The following PLA2G2F variants were observed in gnomAD, a reference collection of about 807,000 sequenced individuals.
PLA2G2F encodes phospholipase A2 group IIF, also known as group IIF secretory phospholipase A2.
Under a neutral mutation model 15.9 loss-of-function variants are expected in PLA2G2F, and 17 were observed. The observed-to-expected ratio is 1.07, with a 90% CI of 0.73 to 1.60. The LOEUF is 1.60. Among genes scored for constraint, PLA2G2F ranks in the 40% most tolerant of loss-of-function variants. The probability of loss-of-function intolerance (pLI) is 0.00; values close to 1 mark genes in which losing one functional copy is unlikely to be tolerated. For missense variants in PLA2G2F, 299 were observed against 278.2 expected, an observed-to-expected ratio of 1.07 and a Z score of -0.53; for synonymous variants, 119 against 106.5, an observed-to-expected ratio of 1.12 and a Z score of -0.72.
rs1410273056 is a variant in PLA2G2F at position 20,149,053 on chromosome 1, G to A, written c.*652G>A. ...GCCCTGAAGTCTAGCCTCAGAGCAG[G>A]CTCCTGGGCACTGACAGAGCCACAC... On this transcript the variant is annotated 3_prime_UTR_variant, in exon 5 of 5. Coordinates refer to ENST00000375102, the MANE Select transcript of PLA2G2F (RefSeq NM_022819.4). 1.3e-5 allele frequency: 2 copies of A among 152,828 alleles called. No homozygotes were observed. Among genetic ancestry groups the A allele is most frequent in the Non-Finnish European group, 2.9e-5 (2 of 68,632 alleles). The allele number at this position is 152,828 out of a possible 1,614,324, so 9.5% of individuals were successfully genotyped here.
chr1:20,146,331 T>C (rs2017606106), intron 4 of PLA2G2F, among the ~76,000 whole-genome samples: 1 of 152,232 alleles, frequency 6.6e-6, no homozygotes, highest in African/African-American at 2.4e-5. Context: ...CTTTCTCTTC[T>C]GGTTCTGTCA....
chr1:20,148,440 T>G lies in PLA2G2F; in HGVS notation c.*39T>G. 6.4e-7 allele frequency: 1 copy of G among 1,554,084 alleles called. No individual in the cohort carries two copies. The highest frequency in any genetic ancestry group is 1.1e-5 in the South Asian group (1 of 89,724). ...TGAGAGAGAGAGCGGGAGGAGGGTC[T>G]GGCTTGGGGACCAGACGAGGTGCAG... On this transcript the variant is annotated 3_prime_UTR_variant, in exon 5 of 5. Transcript: ENST00000375102.
rs114042884 is a variant in PLA2G2F at position 20,143,069 on chromosome 1, G to A, written c.170-377G>A. 6.9e-3 allele frequency: 1,156 copies of A among 167,564 alleles called. 12 individuals are homozygous for A. The highest frequency in any genetic ancestry group is 0.025 in the African/African-American group (1,064 of 42,172). The allele number at this position is 167,564 out of a possible 1,614,324, so 10.4% of individuals were successfully genotyped here. A position where few individuals can be genotyped will look rare whatever the true frequency, so the allele number is the denominator to read the frequency against. On this transcript the variant is annotated intron_variant, in intron 2 of 4. Coordinates refer to ENST00000375102, the MANE Select transcript of PLA2G2F (RefSeq NM_022819.4). ...TAGAGCAAGTTACTAAATGCACTGG[G>A]CCTCAGTCTTCTCATCTGCACAGAG...
rs560644584 is a variant in PLA2G2F at position 20,149,851 on chromosome 1, C to G, written c.*1450C>G. On this transcript the variant is annotated 3_prime_UTR_variant, in exon 5 of 5. Coordinates refer to ENST00000375102, the MANE Select transcript of PLA2G2F (RefSeq NM_022819.4). ...CTCAACTCAGGGTCAGCAGCCTCCA[C>G]GGAGCCAGCCCCACCTGCCCGAAAA... is the stretch of plus-strand genomic sequence containing the variant. 9.2e-5 allele frequency: 14 copies of G among 152,738 alleles called. 1 individual carries two copies. Among genetic ancestry groups the G allele is most frequent in the African/African-American group, 3.4e-4 (14 of 41,582 alleles). The allele number at this position is 152,738 out of a possible 1,614,324, so 9.5% of individuals were successfully genotyped here.
At chr1:20,144,031 C>T (rs549533628) in intron 3 of PLA2G2F, 241 of 183,774 alleles carry the variant, frequency 1.3e-3, no homozygotes, top group Admixed American at 2.6e-3. Context: ...CAGCAGGCAG[C>T]ACCAAGTTTG....
rs770067212 is a variant in PLA2G2F at position 20,144,585 on chromosome 1, G to A, written c.320G>A (p.Cys107Tyr). 1.2e-5 allele frequency: 19 copies of A among 1,608,712 alleles called. No homozygotes were observed. Among genetic ancestry groups the A allele is most frequent in the Middle Eastern group, 1.6e-4 (1 of 6,078 alleles). ...TCACCTCTGCCGCTCCCTAGGTGCT[G>A]CCACGCCCACGACTGCTGCTACCAG... ...GQPKDEVDWC[C>Y]HAHDCCYQEL... Residue 107 changes from cysteine to tyrosine, a missense_variant, in exon 4 of 5, where the codon TGC (cysteine) becomes TAC (tyrosine). Transcript: ENST00000375102.
At position 20,149,833 on chromosome 1, in the gene PLA2G2F, C is replaced by T. The variant is rs2017696471; in HGVS notation, c.*1432C>T. 6.6e-6 allele frequency: 1 copy of T among 152,598 alleles called. No homozygotes were observed. 9.5% of individuals were successfully genotyped at this position (152,598 alleles called of 1,614,324 possible). On this transcript the variant is annotated 3_prime_UTR_variant, in exon 5 of 5. Transcript: ENST00000375102. ...CTCCTTACCTGCCCGAGCCTCAACT[C>T]AGGGTCAGCAGCCTCCACGGAGCCA...
At chr1:20,144,448 T>C in intron 3 of PLA2G2F, 132 bp from the exon 4 acceptor site, 1 of 686,362 alleles carries the variant, frequency 1.5e-6, no homozygotes, top group Non-Finnish European at 2.6e-6. Flanking sequence ...CTCAGACAAG[T>C]AACTGTCCCT....
At chr1:20,143,694 C>T (rs1367487796) in intron 3 of PLA2G2F, 104 bp downstream of exon 3, 25 of 1,395,174 alleles carry the variant, frequency 1.8e-5, no homozygotes, top group Non-Finnish European at 2.4e-5. Flanking sequence ...CTTCTTTCCC[C>T]AAAGGATCCA....
chr1:20,140,321 C>A, intron 2 of PLA2G2F, 103 bp downstream of exon 2: 1 of 1,267,250 alleles, frequency 7.9e-7, no homozygotes, highest in Admixed American at 2.1e-5. Flanking sequence ...GCCTAGGTTC[C>A]TTCCTGTCTC....
At chr1:20,141,976 T>C (rs915457267) in intron 2 of PLA2G2F, 3 of 152,362 alleles carry the variant, frequency 2.0e-5, no homozygotes, top group African/African-American at 4.8e-5. Flanking sequence ...CCAGATTCAA[T>C]GCTCTTCCCA....
intron 2 of PLA2G2F, chr1:20,140,569 G>A (rs980593385): frequency 1.9e-5 from 5 of 259,598 alleles, no homozygotes; most frequent in African/African-American, 8.8e-5. Flanking sequence ...ATCTATGTGT[G>A]TGTAGGTGTG....
Position 20,148,807 on chromosome 1 carries a change from A to C in PLA2G2F, c.*406A>C, listed in dbSNP as rs1415455596. On this transcript the variant is annotated 3_prime_UTR_variant, in exon 5 of 5. Coordinates refer to ENST00000375102, the MANE Select transcript of PLA2G2F (RefSeq NM_022819.4). ...AGCATCCAGGCCCAGAGCTGGATGC[A>C]TCCTCGGCCCAAGATCACAGGAAGG... is the stretch of plus-strand genomic sequence containing the variant. The C allele has an allele frequency of 5.3e-6, 1 of 188,116 alleles. No homozygotes were observed. The highest frequency in any genetic ancestry group is 1.1e-5 in the Non-Finnish European group (1 of 89,984). 11.7% of individuals were successfully genotyped at this position (188,116 alleles called of 1,614,324 possible). A position where few individuals can be genotyped will look rare whatever the true frequency, so the allele number is the denominator to read the frequency against.
At chr1:20,146,060 C>T (rs1357812288) in intron 4 of PLA2G2F, among the ~76,000 whole-genome samples, 1 of 152,214 alleles carries the variant, frequency 6.6e-6, no homozygotes, top group Non-Finnish European at 1.5e-5. Flanking sequence ...TTCTCCTGTC[C>T]CCCAAATTCT....
intron 2 of PLA2G2F, chr1:20,140,428 G>T (rs751097555): frequency 1.4e-5 from 8 of 575,394 alleles, no homozygotes; most frequent in Non-Finnish European, 2.5e-5. Flanking sequence ...ATGAGCCCTG[G>T]GGGGCAGGGC....
intron 3 of PLA2G2F, chr1:20,143,855 C>T: frequency 2.5e-6 from 1 of 393,798 alleles, no homozygotes; most frequent in East Asian, 4.4e-5. Context: ...TGACTTGCTC[C>T]AAAACACACA....
At chr1:20,148,127 A>C in intron 4 of PLA2G2F, 63 bp from the exon 5 acceptor site, 1 of 1,331,096 alleles carries the variant, frequency 7.5e-7, no homozygotes, top group Non-Finnish European at 1.1e-6. Context: ...CTTCCCCAGC[A>C]GTAGTCCTGG....
chr1:20,143,543 C>T lies in PLA2G2F; in HGVS notation c.267C>T (p.Cys89=). The T allele has an allele frequency of 6.2e-7, 1 of 1,614,068 alleles. No individual in the cohort carries two copies. The highest frequency in any genetic ancestry group is 8.5e-7 in the Non-Finnish European group (1 of 1,179,958). ...SAILSFVGYG[C]YCGLGGRGQP... ...TCCTGTCCTTCGTGGGCTACGGTTG[C>T]TACTGTGGGCTGGGGGGCCGTGGCC... Residue 89 remains cysteine (C), a synonymous_variant, in exon 3 of 5, where the codon TGC becomes TGT. Transcript: ENST00000375102.
At position 20,139,338 on chromosome 1, in the gene PLA2G2F, A is replaced by G. The variant is rs2017403613; in HGVS notation, c.-90A>G. On this transcript the variant is annotated 5_prime_UTR_variant, in exon 1 of 5. Coordinates refer to ENST00000375102, the MANE Select transcript of PLA2G2F (RefSeq NM_022819.4). ...CCACTCCCCTGCCAGTGTGCGAGGC[A>G]GCGTGAAGCTGGGGCCTGCTCCCCG... 1.0e-6 allele frequency: 1 copy of G among 968,098 alleles called. No individual in the cohort carries two copies. The highest frequency in any genetic ancestry group is 1.6e-6 in the Non-Finnish European group (1 of 624,346). The allele number at this position is 968,098 out of a possible 1,614,324, so 60.0% of individuals were successfully genotyped here.
Sources: allele counts gnomAD v4.1 joint callset (sites outside exome capture counted in the v4.1 genomes callset), GRCh38; gene constraint gnomAD v4.1.1; transcripts MANE v1.5; gene names NCBI Gene and HGNC (gene_info 2026-07-23, HGNC 2026-07-21).